The following SAMSN1 variants were observed in gnomAD, a reference collection of about 807,000 sequenced individuals.
The protein encoded by SAMSN1 is SAM domain-containing protein SAMSN-1.
A neutral mutation model predicts 42.0 loss-of-function variants in SAMSN1; 31 were observed. The ratio of observed to expected loss-of-function variants is 0.74; its 90% CI spans 0.55 to 1.00. The LOEUF (loss-of-function observed/expected upper bound fraction) is 1.00. Among genes scored for constraint, SAMSN1 ranks in the 50% least tolerant of loss-of-function variants. The probability of loss-of-function intolerance (pLI) is 0.00; values close to 1 mark genes in which losing one functional copy is unlikely to be tolerated. For synonymous variants in SAMSN1, 178 were observed against 151.9 expected (o/e 1.17, Z -1.26); for missense variants, 464 against 439.4 (o/e 1.06, Z -0.50).
chr21:14,597,964 T>C (rs540323227), intron 6 of SAMSN1: 42 of 152,172 alleles, frequency 2.8e-4, no homozygotes, highest in Admixed American at 1.2e-3. Context: ...CTATATTTCA[T>C]TGGCCACAAC....
At chr21:14,599,224 C>T (rs1982361005) in intron 6 of SAMSN1, among the ~76,000 whole-genome samples, 1 of 152,114 alleles carries the variant, frequency 6.6e-6, no homozygotes, top group South Asian at 2.1e-4. Context: ...CCCCATAATT[C>T]CCACGTGTCA....
chr21:14,530,199 C>G (rs1436308701), intron 1 of SAMSN1, among the ~76,000 whole-genome samples: 2 of 151,818 alleles, frequency 1.3e-5, no homozygotes, highest in Admixed American at 1.3e-4. Context: ...TGCCTGTAGT[C>G]CCAGCTACTT....
chr21:14,654,530 A>G (rs1983885549), intron 1 of SAMSN1, among the ~76,000 whole-genome samples: 1 of 152,020 alleles, frequency 6.6e-6, no homozygotes, highest in South Asian at 2.1e-4. Flanking sequence ...ACATGAGGCA[A>G]ACTCCATGAT....
intron 1 of SAMSN1, among the ~76,000 whole-genome samples, chr21:14,538,927 C>T (rs890297085): frequency 6.6e-6 from 1 of 152,174 alleles, no homozygotes; most frequent in Non-Finnish European, 1.5e-5. Context: ...GTACTTGAAT[C>T]TCCTTTACTC....
intron 2 of SAMSN1, among the ~76,000 whole-genome samples, chr21:14,618,656 ATGTGTG>A (rs3050614): frequency 0.015 from 2,300 of 149,108 alleles, 52 homozygotes; most frequent in African/African-American, 0.046. Context: ...ACAGCTGTGT[ATGTGTG>A]TGTGTGTGTG....
At position 14,485,465 on chromosome 21, in the gene SAMSN1, T is replaced by C. The variant is rs1333309598; in HGVS notation, c.*447A>G. On this transcript the variant is annotated 3_prime_UTR_variant, in exon 8 of 8. Coordinates refer to ENST00000400566, the MANE Select transcript of SAMSN1 (RefSeq NM_022136.5). ...ATGTGTCCAATATTAACTCACACTT[T>C]CCCAATAAGTATAAAAATGAATATA... 6.5e-6 allele frequency: 1 copy of C among 154,866 alleles called. No individual in the cohort carries two copies. Among genetic ancestry groups the C allele is most frequent in the African/African-American group, 2.4e-5 (1 of 41,462 alleles). 9.6% of individuals were successfully genotyped at this position (154,866 alleles called of 1,614,324 possible). A position where few individuals can be genotyped will look rare whatever the true frequency, so the allele number is the denominator to read the frequency against.
chr21:14,611,092 ATTTTT>A (rs11459704), intron 4 of SAMSN1, among the ~76,000 whole-genome samples: 1 of 145,532 alleles, frequency 6.9e-6, no homozygotes, highest in East Asian at 2.0e-4. Flanking sequence ...GGATAGGCAC[ATTTTT>A]TTTTTTTTGT....
intron 6 of SAMSN1, among the ~76,000 whole-genome samples, chr21:14,600,659 C>A (rs78694907): frequency 2.6e-5 from 4 of 152,140 alleles, no homozygotes; most frequent in East Asian, 1.9e-4. Flanking sequence ...TATTTTTCTA[C>A]GAAAAACCTA....
At chr21:14,606,723 C>T (rs1217484234) in intron 5 of SAMSN1, among the ~76,000 whole-genome samples, 1 of 152,064 alleles carries the variant, frequency 6.6e-6, no homozygotes, top group African/African-American at 2.4e-5. Context: ...CAGATGTAGT[C>T]TCTTTTAATA....
intron 1 of SAMSN1, among the ~76,000 whole-genome samples, chr21:14,535,159 C>A (rs947096765): frequency 1.3e-5 from 2 of 152,120 alleles, no homozygotes; most frequent in Non-Finnish European, 2.9e-5. Context: ...TTATAAAACA[C>A]CCCAGATGAT....
At chr21:14,596,310 A>C (rs1982261226) in intron 6 of SAMSN1, among the ~76,000 whole-genome samples, 1 of 152,170 alleles carries the variant, frequency 6.6e-6, no homozygotes, top group Admixed American at 6.6e-5. Context: ...AAGATAACGA[A>C]ATATAGCCCT....
chr21:14,574,226 T>C (rs1420435243), intron 2 of SAMSN1, among the ~76,000 whole-genome samples: 1 of 152,200 alleles, frequency 6.6e-6, no homozygotes, highest in Non-Finnish European at 1.5e-5. Flanking sequence ...TCTTCCTCCT[T>C]CTATTTGAGA....
chr21:14,513,414 C>T (rs1353444120), intron 3 of SAMSN1, among the ~76,000 whole-genome samples: 1 of 152,108 alleles, frequency 6.6e-6, no homozygotes, highest in African/African-American at 2.4e-5. Context: ...CTCCTAGGTA[C>T]TGAGCAGTGT....
intron 2 of SAMSN1, among the ~76,000 whole-genome samples, chr21:14,569,291 T>C (rs927934342): frequency 6.6e-6 from 1 of 152,116 alleles, no homozygotes; most frequent in African/African-American, 2.4e-5. Context: ...CAAGACCCTA[T>C]CTCTAAACAA....
At chr21:14,641,750 T>A (rs1983603148) in intron 2 of SAMSN1, among the ~76,000 whole-genome samples, 1 of 152,196 alleles carries the variant, frequency 6.6e-6, no homozygotes, top group African/African-American at 2.4e-5. Flanking sequence ...CTGGTTTATA[T>A]TGTCCTAAGC....
chr21:14,505,472 T>G (rs1197376063), intron 5 of SAMSN1, among the ~76,000 whole-genome samples: 2 of 152,086 alleles, frequency 1.3e-5, no homozygotes, highest in African/African-American at 2.4e-5. Flanking sequence ...AAAACAAACT[T>G]TAAAGCAACA....
chr21:14,602,150 T>C (rs2123301160), intron 5 of SAMSN1: 1 of 499,514 alleles, frequency 2.0e-6, no homozygotes, highest in Non-Finnish European at 3.8e-6. Flanking sequence ...TTACAGGATT[T>C]AGGAAGTTTC....
chr21:14,653,512 A>G (rs1291947634), intron 1 of SAMSN1, among the ~76,000 whole-genome samples: 2 of 152,024 alleles, frequency 1.3e-5, no homozygotes, highest in East Asian at 3.8e-4. Context: ...GAGTAATGGC[A>G]TTCTGGGAGG....
intron 1 of SAMSN1, among the ~76,000 whole-genome samples, chr21:14,656,426 G>T (rs957717266): frequency 5.3e-5 from 8 of 151,764 alleles, no homozygotes; most frequent in African/African-American, 1.9e-4. Flanking sequence ...AATTATTGAA[G>T]AAATTGTGCA....
Sources: allele counts gnomAD v4.1 joint callset (sites outside exome capture counted in the v4.1 genomes callset), GRCh38; gene constraint gnomAD v4.1.1; transcripts MANE v1.5; gene names NCBI Gene and HGNC (gene_info 2026-07-23, HGNC 2026-07-21).